Variants in XKR4 observed in about 807,000 individuals in gnomAD.
The protein encoded by XKR4 is XK-related protein 4.
A neutral mutation model predicts 53.9 loss-of-function variants in XKR4; 12 were observed. That is an observed-to-expected ratio of 0.22 (90% confidence interval 0.14 to 0.36). The LOEUF (loss-of-function observed/expected upper bound fraction) is 0.36. Among genes scored for constraint, XKR4 ranks in the 10% least tolerant of loss-of-function variants. The probability of loss-of-function intolerance (pLI) is 1.00; values close to 1 mark genes in which losing one functional copy is unlikely to be tolerated. For missense variants in XKR4, 799 were observed against 859.5 expected (o/e 0.93, Z 0.88); for synonymous variants, 354 against 362.4 (o/e 0.98, Z 0.26).
intron 1 of XKR4, among the ~76,000 whole-genome samples, chr8:55,193,304 C>G (rs1250460250): frequency 6.6e-6 from 1 of 152,120 alleles, no homozygotes; most frequent in Non-Finnish European, 1.5e-5. Flanking sequence ...TGCCTTCTCT[C>G]TGTGGTTCCC....
chr8:55,119,227 C>G (rs1816354021), intron 1 of XKR4, among the ~76,000 whole-genome samples: 1 of 152,142 alleles, frequency 6.6e-6, no homozygotes, highest in Non-Finnish European at 1.5e-5. Context: ...CCTGCATTAT[C>G]AGCAAGGGCA....
At chr8:55,238,742 G>A (rs767365442) in intron 1 of XKR4, among the ~76,000 whole-genome samples, 2 of 152,184 alleles carry the variant, frequency 1.3e-5, no homozygotes, top group Non-Finnish European at 2.9e-5. Flanking sequence ...AGAATTAAAA[G>A]TGGGTCCCAG....
intron 1 of XKR4, among the ~76,000 whole-genome samples, chr8:55,264,184 G>A (rs1001476143): frequency 6.6e-6 from 1 of 152,154 alleles, no homozygotes; most frequent in Non-Finnish European, 1.5e-5. Flanking sequence ...TCCCCTGCAT[G>A]TCATCCCAGC....
chr8:55,189,585 C>T (rs1236603728), intron 1 of XKR4, among the ~76,000 whole-genome samples: 1 of 152,122 alleles, frequency 6.6e-6, no homozygotes, highest in African/African-American at 2.4e-5. Flanking sequence ...AGCATCTAAA[C>T]ATAGAAAAGG....
At chr8:55,207,606 C>T (rs1817666723) in intron 1 of XKR4, among the ~76,000 whole-genome samples, 1 of 151,994 alleles carries the variant, frequency 6.6e-6, no homozygotes, top group Non-Finnish European at 1.5e-5. Context: ...ATGTGAATGT[C>T]ACACCTTATA....
At chr8:55,310,447 C>G (rs541240734) in intron 1 of XKR4, among the ~76,000 whole-genome samples, 25 of 152,298 alleles carry the variant, frequency 1.6e-4, no homozygotes, top group South Asian at 6.2e-4. Context: ...TAGCACCTGA[C>G]ACGTGATAAG....
intron 1 of XKR4, among the ~76,000 whole-genome samples, chr8:55,331,507 C>CT (rs199549138): frequency 0.016 from 2,478 of 151,904 alleles, 38 homozygotes; most frequent in Non-Finnish European, 0.022. Flanking sequence ...CCTTGTTCAT[C>CT]TTTTTTTTAG....
intron 2 of XKR4, among the ~76,000 whole-genome samples, chr8:55,405,389 T>C (rs1804667072): frequency 1.3e-5 from 2 of 152,240 alleles, no homozygotes; most frequent in African/African-American, 4.8e-5. Flanking sequence ...ACTGTCCACA[T>C]AGCTGCTGCC....
intron 1 of XKR4, among the ~76,000 whole-genome samples, chr8:55,238,144 A>ATC (rs145574225): frequency 2.2e-4 from 34 of 151,166 alleles, no homozygotes; most frequent in Middle Eastern, 3.4e-3. Context: ...ATAGACATTT[A>ATC]TCTCTCTCTC....
chr8:55,307,783 T>G (rs561538355), intron 1 of XKR4, among the ~76,000 whole-genome samples: 54 of 152,072 alleles, frequency 3.6e-4, no homozygotes, highest in Non-Finnish European at 6.2e-4. Context: ...TGGCTAAAAT[T>G]AAGAACAGTG....
intron 1 of XKR4, among the ~76,000 whole-genome samples, chr8:55,156,881 A>C (rs1475930756): frequency 1.3e-5 from 2 of 152,208 alleles, no homozygotes; most frequent in Non-Finnish European, 2.9e-5. Flanking sequence ...TTTCTGCATA[A>C]ACAAGTCTCT....
At chr8:55,371,053 G>T (rs574527763) in intron 2 of XKR4, among the ~76,000 whole-genome samples, 164 of 150,334 alleles carry the variant, frequency 1.1e-3, no homozygotes, top group Middle Eastern at 6.8e-3. Flanking sequence ...TCACTTTGAG[G>T]TCCTTTGGTG....
At chr8:55,177,957 C>T (rs1817255685) in intron 1 of XKR4, among the ~76,000 whole-genome samples, 2 of 152,180 alleles carry the variant, frequency 1.3e-5, no homozygotes, top group African/African-American at 4.8e-5. Context: ...CCTTGACTCA[C>T]TTAAGGACAC....
intron 1 of XKR4, among the ~76,000 whole-genome samples, chr8:55,235,986 T>C (rs1162414556): frequency 1.3e-5 from 2 of 152,216 alleles, no homozygotes; most frequent in African/African-American, 4.8e-5. Context: ...CAGAGGTGTC[T>C]TTATCTGACC....
At chr8:55,186,019 A>G (rs914758351) in intron 1 of XKR4, among the ~76,000 whole-genome samples, 4 of 152,202 alleles carry the variant, frequency 2.6e-5, no homozygotes, top group Non-Finnish European at 5.9e-5. Flanking sequence ...AATACTTCAT[A>G]TTTACATTGA....
intron 1 of XKR4, among the ~76,000 whole-genome samples, chr8:55,106,987 C>A (rs1816158310): frequency 6.6e-6 from 1 of 152,078 alleles, no homozygotes; most frequent in Admixed American, 6.5e-5. Context: ...TTCTCAGAGC[C>A]TTTTATAAGC....
chr8:55,411,519 A>T (rs77627470), intron 2 of XKR4, among the ~76,000 whole-genome samples: 4,626 of 152,296 alleles, frequency 0.03, 188 homozygotes, highest in African/African-American at 0.089. Context: ...CACGCAGAGA[A>T]TCTAAGAATG....
At chr8:55,374,647 C>CATGGGGATGGGG (rs1804120639) in intron 2 of XKR4, among the ~76,000 whole-genome samples, 1 of 152,144 alleles carries the variant, frequency 6.6e-6, no homozygotes, top group Non-Finnish European at 1.5e-5. Context: ...ACAGGAAGAG[C>CATGGGGATGGGG]ATGGGGATGG....
At chr8:55,205,082 A>G (rs1817627150) in intron 1 of XKR4, among the ~76,000 whole-genome samples, 1 of 152,234 alleles carries the variant, frequency 6.6e-6, no homozygotes, top group Non-Finnish European at 1.5e-5. Flanking sequence ...GATTAATGCT[A>G]GCACAGCTGG....
Sources: gnomAD v4.1 joint callset for allele counts (sites outside exome capture counted in the v4.1 genomes callset) on GRCh38, gnomAD v4.1.1 for gene constraint, MANE v1.5 for transcripts, NCBI Gene and HGNC (gene_info 2026-07-23, HGNC 2026-07-21) for gene names.